The following PWP1 variants were observed in gnomAD, a reference collection of about 807,000 sequenced individuals.
PWP1 encodes the protein periodic tryptophan protein 1 homolog.
PWP1 carries 47 observed loss-of-function variants against 69.9 expected under a neutral mutation model. The observed-to-expected ratio is 0.67, with a 90% CI of 0.53 to 0.86. The LOEUF (loss-of-function observed/expected upper bound fraction) is 0.86. Ranked by LOEUF, PWP1 falls within the 40% of genes least tolerant of loss-of-function variation. The pLI, the probability that PWP1 is intolerant of heterozygous loss-of-function variation, is 0.00. For missense variants in PWP1, 551 were observed against 608.8 expected (o/e 0.91, Z 1.00); for synonymous variants, 222 against 208.2 (o/e 1.07, Z -0.57).
chr12:107,696,177 C>G (rs1889582415), intron 5 of PWP1, among the ~76,000 whole-genome samples: 1 of 151,978 alleles, frequency 6.6e-6, no homozygotes, highest in South Asian at 2.1e-4. Context: ...GGACTACAGG[C>G]ACGTACCACC....
At chr12:107,704,588 TAGG>T (rs776448099) in intron 10 of PWP1, 45 bp from the exon 11 acceptor site, 4 of 1,237,268 alleles carry the variant, frequency 3.2e-6, no homozygotes. Flanking sequence ...ATAAAACATA[TAGG>T]AGAATTGAAC....
chr12:107,694,105 G>T (rs1393008692), intron 5 of PWP1, among the ~76,000 whole-genome samples: 1 of 152,108 alleles, frequency 6.6e-6, no homozygotes, highest in Non-Finnish European at 1.5e-5. Flanking sequence ...AATATTAATT[G>T]AATGGCTTGC....
intron 14 of PWP1, among the ~76,000 whole-genome samples, chr12:107,710,921 C>T (rs376343301): frequency 4.1e-5 from 6 of 144,792 alleles, no homozygotes; most frequent in African/African-American, 7.7e-5. Context: ...CATTTAAGGC[C>T]GAGACCAGCT....
chr12:107,700,960 G>A (rs2136280296), intron 8 of PWP1, among the ~76,000 whole-genome samples: 1 of 152,182 alleles, frequency 6.6e-6, no homozygotes, highest in Admixed American at 6.5e-5. Context: ...AAATTCTTGG[G>A]CTCAAGCAAT....
intron 9 of PWP1, 102 bp from the exon 10 acceptor site, chr12:107,703,583 G>A (rs1012655244): frequency 1.7e-5 from 16 of 948,894 alleles, no homozygotes; most frequent in African/African-American, 8.1e-5. Flanking sequence ...TCAGAGGGAC[G>A]CATTTATAGA....
intron 14 of PWP1, among the ~76,000 whole-genome samples, chr12:107,711,890 A>G (rs1346157822): frequency 6.6e-6 from 1 of 152,224 alleles, no homozygotes; most frequent in Non-Finnish European, 1.5e-5. Context: ...GGCGGATCAG[A>G]TAAATCCAAG....
At chr12:107,692,706 A>T in intron 3 of PWP1, 108 bp from the exon 4 acceptor site, 1 of 898,994 alleles carries the variant, frequency 1.1e-6, no homozygotes, top group Non-Finnish European at 1.7e-6. Context: ...ATCCAGAGTT[A>T]GTTATAAAAT....
At chr12:107,688,201 G>C (rs777550823) in intron 1 of PWP1, among the ~76,000 whole-genome samples, 9 of 152,098 alleles carry the variant, frequency 5.9e-5, no homozygotes, top group Non-Finnish European at 1.3e-4. Context: ...CCAGTCTTTG[G>C]AGTTTTAAGA....
chr12:107,705,507 C>G (rs1322476091), intron 11 of PWP1, among the ~76,000 whole-genome samples: 1 of 146,610 alleles, frequency 6.8e-6, no homozygotes, highest in East Asian at 2.0e-4. Context: ...TCTCCTAATG[C>G]TATCCCTCCC....
intron 10 of PWP1, among the ~76,000 whole-genome samples, chr12:107,703,956 C>T (rs1377095957): frequency 6.6e-6 from 1 of 152,202 alleles, no homozygotes; most frequent in Non-Finnish European, 1.5e-5. Flanking sequence ...TAGGAACTAG[C>T]AACTTCTTTG....
At chr12:107,686,041 G>C in intron 1 of PWP1, 70 bp downstream of exon 1, 1 of 1,548,230 alleles carries the variant, frequency 6.5e-7, no homozygotes, top group Middle Eastern at 1.8e-4. Context: ...CCAGCTGGGG[G>C]AACGTGGACC....
chr12:107,687,042 A>T (rs529713615), intron 1 of PWP1, among the ~76,000 whole-genome samples: 1 of 151,656 alleles, frequency 6.6e-6, no homozygotes, highest in African/African-American at 2.4e-5. Context: ...ATGTGCACAT[A>T]TAGTATGTCA....
intron 13 of PWP1, among the ~76,000 whole-genome samples, chr12:107,709,900 T>C (rs1889910599): frequency 6.6e-6 from 1 of 152,160 alleles, no homozygotes; most frequent in Non-Finnish European, 1.5e-5. Context: ...CATTTAACTC[T>C]AGTAGATTAT....
intron 8 of PWP1, among the ~76,000 whole-genome samples, chr12:107,700,430 A>C (rs540788646): frequency 6.6e-6 from 1 of 152,318 alleles, no homozygotes; most frequent in Admixed American, 6.5e-5. Context: ...GAATGGAATC[A>C]TACAGACTTA....
chr12:107,709,749 C>T (rs562485978), intron 13 of PWP1, among the ~76,000 whole-genome samples: 5 of 152,058 alleles, frequency 3.3e-5, no homozygotes, highest in African/African-American at 4.8e-5. Context: ...AGTTAGACTG[C>T]AGACACAGTA....
Position 107,688,620 on chromosome 12 carries a change from A to G in PWP1, c.137A>G (p.Glu46Gly), listed in dbSNP as rs762712072. 6 of 1,613,658 alleles carry G rather than the reference A, an allele frequency of 3.7e-6. No homozygotes were observed. In the East Asian group the frequency reaches 8.9e-5, roughly 24 times the overall value. The part of the protein sequence containing the change: ...IAEAKEKLQE[E>G]GGGSDEEETG... ...TTTTCTTTCTGTGCTCATAGAGAAG[A>G]AGGTGGTGGCAGTGATGAAGAGGAG... The change falls in exon 3 of 15, where the codon GAA (glutamate) becomes GGA (glycine). Residue 46 changes from glutamate (E) to glycine (G), a missense_variant. Physicochemically the swap from Glu to Gly is moderately conservative, Grantham distance 98. Transcript: ENST00000412830.
chr12:107,693,149 AG>A, intron 5 of PWP1, 53 bp downstream of exon 5: 1 of 1,552,602 alleles, frequency 6.4e-7, no homozygotes, highest in Non-Finnish European at 8.7e-7. Flanking sequence ...TAAAATAATA[AG>A]TGAAATAGTT....
chr12:107,686,124 C>T (rs911953066), intron 1 of PWP1, 153 bp downstream of exon 1: 2 of 773,326 alleles, frequency 2.6e-6, no homozygotes, highest in Non-Finnish European at 4.2e-6. Flanking sequence ...GCGACTAGAG[C>T]TGCAGTTCAG....
intron 11 of PWP1, among the ~76,000 whole-genome samples, chr12:107,707,541 A>C (rs1312257594): frequency 1.3e-5 from 2 of 152,146 alleles, no homozygotes; most frequent in African/African-American, 2.4e-5. Flanking sequence ...GTTTGTCATA[A>C]ATAGCTCTTA....
Sources: gnomAD v4.1 joint callset for allele counts (sites outside exome capture counted in the v4.1 genomes callset) on GRCh38, gnomAD v4.1.1 for gene constraint, MANE v1.5 for transcripts, NCBI Gene and HGNC (gene_info 2026-07-23, HGNC 2026-07-21) for gene names.